The following LMNB2 variants were observed in gnomAD, a reference collection of about 807,000 sequenced individuals.
LMNB2 encodes lamin B2.
Under a neutral mutation model 69.3 loss-of-function variants are expected in LMNB2, and 17 were observed. The observed-to-expected ratio is 0.25, with a 90% confidence interval of 0.17 to 0.37. LMNB2 has a LOEUF of 0.37. Among genes scored for constraint, LMNB2 ranks in the 10% least tolerant of loss-of-function variants. The probability of loss-of-function intolerance (pLI) is 1.00; values close to 1 mark genes in which losing one functional copy is unlikely to be tolerated. For synonymous variants in LMNB2, 397 were observed against 389.3 expected, an observed-to-expected ratio of 1.02 and a Z score of -0.23; for missense variants, 789 against 883.6, an observed-to-expected ratio of 0.89 and a Z score of 1.36.
In LMNB2 at chr19:2,431,490, C is replaced by T. The variant is rs1312796314; in HGVS notation, c.1821+58G>A. ...CAGCACGCATGTGTATGTGTGTGCA[C>T]GAGCTCACTCTGCCCCAGAGGCTGC... On this transcript the variant is annotated intron_variant, in intron 11 of 11. Coordinates refer to ENST00000325327, the MANE Select transcript of LMNB2 (RefSeq NM_032737.4). 48 of 1,610,506 alleles carry T rather than the reference C, an allele frequency of 3.0e-5. No individual in the cohort carries two copies. The East Asian group carries it at 6.2e-4, about 21-fold the overall frequency.
intron 8 of LMNB2, among the ~76,000 whole-genome samples, chr19:2,433,431 A>G (rs12974490): frequency 8.2e-4 from 24 of 29,110 alleles, no homozygotes; most frequent in South Asian, 1.9e-3. Context: ...GCATTGGCCG[A>G]CAGCCCCGTC....
chr19:2,454,410 T>G (rs1462787789), intron 1 of LMNB2, among the ~76,000 whole-genome samples: 1 of 151,900 alleles, frequency 6.6e-6, no homozygotes, highest in Non-Finnish European at 1.5e-5. Context: ...CCCAGGGCAC[T>G]GTGAAAACAA....
In LMNB2 at chr19:2,453,170, G is replaced by A. The variant is rs186929941; in HGVS notation, c.264+3500C>T. Among the ~76,000 whole-genome samples the A allele has an allele frequency of 2.6e-5, 4 of 152,218 alleles. No individual in the cohort carries two copies. Among genetic ancestry groups the A allele is most frequent in the South Asian group, 2.1e-4 (1 of 4,822 alleles). On this transcript the variant is annotated intron_variant, in intron 1 of 11. Coordinates refer to ENST00000325327, the MANE Select transcript of LMNB2 (RefSeq NM_032737.4). This position sits in a 1 kb window ranked among gnomAD's most constrained non-coding sequence, Gnocchi z 4.4. The stretch of plus-strand genomic sequence containing the variant: ...ACCCAGCCTCCACCCACGCTGTGCC[G>A]ATGCCGTCTCCCTCCCAATGTGACA...
chr19:2,437,902 G>A (rs892657951), intron 4 of LMNB2, among the ~76,000 whole-genome samples: 5 of 152,154 alleles, frequency 3.3e-5, no homozygotes, highest in Admixed American at 3.3e-4. Context: ...GATGATCCAG[G>A]CAGGCCCCAA....
intron 1 of LMNB2, among the ~76,000 whole-genome samples, chr19:2,449,242 T>C (rs1252560765): frequency 6.6e-6 from 1 of 152,166 alleles, no homozygotes; most frequent in Non-Finnish European, 1.5e-5. Flanking sequence ...GTGTAACCGG[T>C]GCCCACAGCA....
Position 2,453,040 on chromosome 19 carries a change from ATCCTCG to A in LMNB2, c.264+3624_264+3629del, listed in dbSNP as rs1972046106. Among the ~76,000 whole-genome samples, 1 of 109,750 alleles carries A rather than the reference ATCCTCG, an allele frequency of 9.1e-6. No homozygotes were observed. The highest frequency in any genetic ancestry group is 1.1e-4 in the Admixed American group (1 of 8,788). The allele number at this position is 109,750 out of a possible 152,430, so 72.0% of individuals were successfully genotyped here. A position where few individuals can be genotyped will look rare whatever the true frequency, so the allele number is the denominator to read the frequency against. ...GGGTCATCCTCGTGGGGGCTGGGTCATCCTCGTGGGGGCTGGGTCATCCTCATGGGG... is the reference window on the plus strand; with the variant it reads ...GGGTCATCCTCGTGGGGGCTGGGTCATGGGGGCTGGGTCATCCTCATGGGG... On this transcript the variant is annotated intron_variant, in intron 1 of 11. Coordinates refer to ENST00000325327, the MANE Select transcript of LMNB2 (RefSeq NM_032737.4). This position sits in a 1 kb window ranked among gnomAD's most constrained non-coding sequence, Gnocchi z 4.4.
At chr19:2,434,189 C>T in intron 7 of LMNB2, 84 bp from the exon 8 acceptor site, 5 of 1,539,468 alleles carry the variant, frequency 3.2e-6, no homozygotes, top group Non-Finnish European at 4.4e-6. Context: ...ACGGCCCGGC[C>T]CCACCTCCAC....
intron 8 of LMNB2, among the ~76,000 whole-genome samples, chr19:2,433,189 C>T (rs111405630): frequency 5.4e-3 from 403 of 74,480 alleles, no homozygotes; most frequent in Middle Eastern, 0.012. Context: ...CCGGTCTTTC[C>T]GGTCACCTTG....
Position 2,434,364 on chromosome 19 carries a change from A to G in LMNB2, c.1133T>C (p.Leu378Pro). 1 of 1,613,272 alleles carries G rather than the reference A, an allele frequency of 6.2e-7. No individual in the cohort carries two copies. Among genetic ancestry groups the G allele is most frequent in the Admixed American group, 1.7e-5 (1 of 60,024 alleles). ...CATGTCCAGGGCCAGCTTCACGTCC[A>G]GCAGCTCCTGGTACTCGGCCAGCTG... ...QQQLAEYQEL[L>P]DVKLALDMEI... The change falls in exon 7 of 12, where the codon CTG (leucine) becomes CCG (proline). Residue 378 changes from leucine to proline, a missense_variant. Around this residue, in one of 3 missense-constraint regions of LMNB2, gnomAD observed 609 missense variants for 630.9 expected, o/e 0.97. Transcript: ENST00000325327.
chr19:2,450,011 G>A (rs1424755610), intron 1 of LMNB2, among the ~76,000 whole-genome samples: 1 of 151,962 alleles, frequency 6.6e-6, no homozygotes, highest in East Asian at 1.9e-4. Context: ...GGAGGCGGAG[G>A]TTGTGGTGAG....
Position 2,456,652 on chromosome 19 carries a change from C to T in LMNB2, c.264+18G>A. Reference sequence around the variant, plus strand: ...TGCCGGCTGCACCCCCGCCCGGCCCCTAAGCCCCGGCGCCCACCTCGCGCG... The same window carrying T: ...TGCCGGCTGCACCCCCGCCCGGCCCTTAAGCCCCGGCGCCCACCTCGCGCG... On this transcript the variant is annotated intron_variant, in intron 1 of 11. Coordinates refer to ENST00000325327, the MANE Select transcript of LMNB2 (RefSeq NM_032737.4). The T allele has an allele frequency of 6.7e-7, 1 of 1,494,116 alleles. No individual in the cohort carries two copies. The highest frequency in any genetic ancestry group is 8.9e-7 in the Non-Finnish European group (1 of 1,119,312). The allele number at this position is 1,494,116 out of a possible 1,614,324, so 92.6% of individuals were successfully genotyped here. A position where few individuals can be genotyped will look rare whatever the true frequency, so the allele number is the denominator to read the frequency against.
chr19:2,435,060 G>T lies in LMNB2; in HGVS notation c.796C>A (p.Gln266Lys). 2 of 1,610,788 alleles carry T rather than the reference G, an allele frequency of 1.2e-6. No individual in the cohort carries two copies. The highest frequency in any genetic ancestry group is 1.7e-6 in the Non-Finnish European group (2 of 1,179,710). The change falls in exon 5 of 12, where the codon CAG becomes AAG. Residue 266 changes from glutamine to lysine, a missense_variant. Coordinates refer to ENST00000325327, the MANE Select transcript of LMNB2 (RefSeq NM_032737.4). The part of the protein sequence containing the change: ...MAQALEELRS[Q>K]HDEQVRLYKL... ...TAGAGCCGCACTTGCTCGTCGTGCT[G>T]GCTCCGCAGCTCCTCCAGCGCCTGT...
At chr19:2,444,377 ACGT>A (rs1971930350) in intron 2 of LMNB2, 24 bp downstream of exon 2, 2 of 1,613,088 alleles carry the variant, frequency 1.2e-6, no homozygotes, top group East Asian at 4.5e-5. Context: ...GATCAGGGTG[ACGT>A]CGTGCCCAGC....
At chr19:2,437,334 T>A (rs186171936) in intron 4 of LMNB2, among the ~76,000 whole-genome samples, 122 of 152,282 alleles carry the variant, frequency 8.0e-4, no homozygotes, top group Non-Finnish European at 1.5e-3. Flanking sequence ...CACCCTCGCT[T>A]TGGACAAGGA....
At chr19:2,450,203 T>C (rs551169515) in intron 1 of LMNB2, among the ~76,000 whole-genome samples, 18 of 151,710 alleles carry the variant, frequency 1.2e-4, no homozygotes, top group South Asian at 8.3e-4. Context: ...CAAACCCCCA[T>C]TGAGGAACAT....
At chr19:2,441,399 C>G (rs1971898961) in intron 2 of LMNB2, among the ~76,000 whole-genome samples, 1 of 152,260 alleles carries the variant, frequency 6.6e-6, no homozygotes, top group Non-Finnish European at 1.5e-5. Context: ...CTGATGCACC[C>G]CTGTCCGCAG....
rs773076387 is a variant in LMNB2, at chr19:2,434,378, C to T, written c.1119G>A (p.Glu373=). The stretch of plus-strand genomic sequence containing the variant: ...GCTTCACGTCCAGCAGCTCCTGGTA[C>T]TCGGCCAGCTGCTGCTGCATCACGT... ...MRDVMQQQLA[E]YQELLDVKLA... The change falls in exon 7 of 12, where the codon GAG becomes GAA. Residue 373 remains glutamate (E), a synonymous_variant. Transcript: ENST00000325327. 6.2e-7 allele frequency: 1 copy of T among 1,613,364 alleles called. No homozygotes were observed. The highest frequency in any genetic ancestry group is 8.5e-7 in the Non-Finnish European group (1 of 1,180,010).
Position 2,434,774 on chromosome 19 carries a change from G to A in LMNB2, c.981+14C>T, listed in dbSNP as rs770287049. On this transcript the variant is annotated intron_variant, in intron 6 of 11. Coordinates refer to ENST00000325327, the MANE Select transcript of LMNB2 (RefSeq NM_032737.4). ...GGCCAGGGGGACGGCAGACGGTGGCGCTGTGCTCATCACCTGCTTCTGGAG... is the reference window on the plus strand; with the variant it reads ...GGCCAGGGGGACGGCAGACGGTGGCACTGTGCTCATCACCTGCTTCTGGAG... 15 of 1,599,592 alleles carry A rather than the reference G, an allele frequency of 9.4e-6. No homozygotes were observed. In the South Asian group the frequency reaches 1.2e-4, roughly 13 times the overall value.
intron 2 of LMNB2, among the ~76,000 whole-genome samples, chr19:2,442,847 CT>C (rs1395988132): frequency 6.6e-6 from 1 of 152,136 alleles, no homozygotes; most frequent in African/African-American, 2.4e-5. Context: ...GTACCATTTT[CT>C]TTTTTTAATG....
Sources: gnomAD v4.1 joint callset for allele counts (sites outside exome capture counted in the v4.1 genomes callset) on GRCh38, gnomAD v4.1.1 for gene constraint, gnomAD v4.1.1 regional missense constraint, Gnocchi (gnomAD v3.1) non-coding constraint, MANE v1.5 for transcripts, NCBI Gene and HGNC (gene_info 2026-07-23, HGNC 2026-07-21) for gene names.